GMDS: variants seen among roughly 807,000 people sequenced by gnomAD.
The protein encoded by GMDS is GDP-mannose 4,6 dehydratase.
In GMDS, 20 loss-of-function variants were observed where a neutral mutation model predicts 49.9. The observed-to-expected ratio is 0.40, with a 90% CI of 0.28 to 0.58. The LOEUF (loss-of-function observed/expected upper bound fraction) is 0.58, where lower values mean the gene tolerates loss of function less well. GMDS is among the 20% of genes least tolerant of loss of function. The pLI, the probability that GMDS is intolerant of heterozygous loss-of-function variation, is 0.42. For missense variants in GMDS, 362 were observed against 481.4 expected (o/e 0.75, Z 2.32); for synonymous variants, 177 against 178.6 (o/e 0.99, Z 0.07).
At chr6:1,877,224 T>C (rs1244889679) in intron 7 of GMDS, among the ~76,000 whole-genome samples, 1 of 151,696 alleles carries the variant, frequency 6.6e-6, no homozygotes, top group African/African-American at 2.4e-5. Flanking sequence ...TGGTGGAAAA[T>C]ATAAAAGAGG....
chr6:1,677,090 TCAAA>T (rs1764649181), intron 9 of GMDS, among the ~76,000 whole-genome samples: 2 of 151,726 alleles, frequency 1.3e-5, no homozygotes, highest in South Asian at 4.2e-4. Flanking sequence ...CAAGAAAAAA[TCAAA>T]CAACCCTATC....
chr6:2,209,138 A>T (rs1447968808), intron 1 of GMDS, among the ~76,000 whole-genome samples: 1 of 152,236 alleles, frequency 6.6e-6, no homozygotes, highest in African/African-American at 2.4e-5. Context: ...CCATAATCAG[A>T]CTTCTTATAA....
At chr6:2,143,390 G>A (rs1475028272) in intron 1 of GMDS, among the ~76,000 whole-genome samples, 3 of 152,110 alleles carry the variant, frequency 2.0e-5, no homozygotes, top group East Asian at 1.9e-4. Context: ...CTTAACCACT[G>A]CCATCCACTC....
At chr6:2,198,128 C>T (rs1779354107) in intron 1 of GMDS, among the ~76,000 whole-genome samples, 1 of 152,188 alleles carries the variant, frequency 6.6e-6, no homozygotes, top group Non-Finnish European at 1.5e-5. Context: ...TAAGCAGCCA[C>T]TGGAAGGGAG....
intron 1 of GMDS, among the ~76,000 whole-genome samples, chr6:2,198,703 T>A (rs1263703966): frequency 6.6e-6 from 1 of 152,204 alleles, no homozygotes; most frequent in Non-Finnish European, 1.5e-5. Flanking sequence ...CTGGAAAATA[T>A]TAGAACTGCT....
chr6:2,085,978 C>A (rs1772989833), intron 4 of GMDS, among the ~76,000 whole-genome samples: 1 of 152,166 alleles, frequency 6.6e-6, no homozygotes, highest in Non-Finnish European at 1.5e-5. Context: ...GGATACAATA[C>A]AGATTACATC....
rs538470161 is a variant in GMDS at position 1,932,022 on chromosome 6, A to G, written c.644-1792T>C. Among the ~76,000 whole-genome samples the G allele has an allele frequency of 9.2e-5, 14 of 152,244 alleles. No individual in the cohort carries two copies. In the East Asian group the frequency reaches 2.7e-3, roughly 29 times the overall value. On this transcript the variant is annotated intron_variant, in intron 6 of 10. Transcript: ENST00000380815. ...TAAAATGCCAGGTCTGCAAGGGGGG[A>G]AAGCCTTTGGGGTTGTAGCATGGCT... is the stretch of plus-strand genomic sequence containing the variant.
chr6:1,973,846 G>A (rs1417273961), intron 4 of GMDS, among the ~76,000 whole-genome samples: 1 of 152,146 alleles, frequency 6.6e-6, no homozygotes, highest in Non-Finnish European at 1.5e-5. Flanking sequence ...TTCAATGACT[G>A]AGACGCCACA....
At chr6:1,958,226 C>T (rs1763749610) in intron 6 of GMDS, among the ~76,000 whole-genome samples, 1 of 149,572 alleles carries the variant, frequency 6.7e-6, no homozygotes, top group Non-Finnish European at 1.5e-5. Flanking sequence ...TCAAATTTAT[C>T]TTTTTTTACT....
chr6:1,870,992 C>T (rs1758707813), intron 7 of GMDS, among the ~76,000 whole-genome samples: 1 of 151,912 alleles, frequency 6.6e-6, no homozygotes, highest in Admixed American at 6.6e-5. Flanking sequence ...GGGTGGCTTC[C>T]GCTAATTAGA....
intron 9 of GMDS, among the ~76,000 whole-genome samples, chr6:1,719,701 C>G (rs916749368): frequency 6.6e-6 from 1 of 151,628 alleles, no homozygotes; most frequent in Non-Finnish European, 1.5e-5. Context: ...AAAGATGGAA[C>G]AGGTAATCAC....
intron 4 of GMDS, among the ~76,000 whole-genome samples, chr6:1,973,326 A>G (rs1250403068): frequency 6.6e-6 from 1 of 152,226 alleles, no homozygotes; most frequent in African/African-American, 2.4e-5. Flanking sequence ...TGTAATGTTT[A>G]TAACTTTAAT....
At chr6:1,780,955 A>G (rs188024636) in intron 7 of GMDS, among the ~76,000 whole-genome samples, 2 of 152,222 alleles carry the variant, frequency 1.3e-5, no homozygotes, top group African/African-American at 4.8e-5. Context: ...CTCATTCTGA[A>G]CACAGTTTGA....
intron 7 of GMDS, among the ~76,000 whole-genome samples, chr6:1,807,444 T>A (rs1301565087): frequency 2.6e-5 from 4 of 152,200 alleles, no homozygotes; most frequent in African/African-American, 7.2e-5. Context: ...GTTACTCTCA[T>A]ACAATCCTGT....
intron 7 of GMDS, among the ~76,000 whole-genome samples, chr6:1,898,930 A>G (rs969750817): frequency 2.0e-5 from 3 of 152,220 alleles, no homozygotes; most frequent in Non-Finnish European, 4.4e-5. Flanking sequence ...ATCATGGATT[A>G]CACAAATAAT....
intron 9 of GMDS, among the ~76,000 whole-genome samples, chr6:1,694,657 T>C (rs1352600308): frequency 6.6e-6 from 1 of 152,222 alleles, no homozygotes; most frequent in East Asian, 1.9e-4. Flanking sequence ...ATATTTGCTT[T>C]AGTAGCATAG....
chr6:1,887,435 A>G (rs1013131494), intron 7 of GMDS, among the ~76,000 whole-genome samples: 4 of 151,360 alleles, frequency 2.6e-5, no homozygotes, highest in African/African-American at 9.8e-5. Context: ...ATTTACACCG[A>G]ACATATTTAT....
chr6:1,660,943 C>T (rs1764051878), intron 9 of GMDS, among the ~76,000 whole-genome samples: 1 of 151,594 alleles, frequency 6.6e-6, no homozygotes, highest in East Asian at 1.9e-4. Flanking sequence ...TCCATTTCCT[C>T]CCATCATGAC....
At chr6:2,055,457 A>AC (rs1329050300) in intron 4 of GMDS, among the ~76,000 whole-genome samples, 1 of 152,150 alleles carries the variant, frequency 6.6e-6, no homozygotes, top group African/African-American at 2.4e-5. Context: ...ACTATTTACT[A>AC]TATGACATTC....
Sources: gnomAD v4.1 joint callset for allele counts (sites outside exome capture counted in the v4.1 genomes callset) on GRCh38, gnomAD v4.1.1 for gene constraint, MANE v1.5 for transcripts, NCBI Gene and HGNC (gene_info 2026-07-23, HGNC 2026-07-21) for gene names.